Variants in KCNJ16 observed in about 807,000 individuals in gnomAD.
KCNJ16 encodes inward rectifier potassium channel 16.
Under a neutral mutation model 18.5 loss-of-function variants are expected in KCNJ16, and 15 were observed. The observed-to-expected ratio is 0.81, with a 90% CI of 0.54 to 1.25. The LOEUF (loss-of-function observed/expected upper bound fraction) is 1.25. Ranked by LOEUF, KCNJ16 falls within the 50% of genes most tolerant of loss-of-function variation. The pLI, the probability that KCNJ16 is intolerant of heterozygous loss-of-function variation, is 0.00. For missense variants in KCNJ16, 523 were observed against 525.7 expected (o/e 0.99, Z 0.05); for synonymous variants, 174 against 186.5 (o/e 0.93, Z 0.55).
At chr17:70,103,141 GTATATAATA>G (rs916064050) in intron 2 of KCNJ16, among the ~76,000 whole-genome samples, 5 of 139,504 alleles carry the variant, frequency 3.6e-5, no homozygotes, top group African/African-American at 1.3e-4. Context: ...ATTTATATGT[GTATATAATA>G]TATATAATTT....
chr17:70,105,147 C>T (rs1345812382), intron 2 of KCNJ16: 1 of 152,170 alleles, frequency 6.6e-6, no homozygotes, highest in South Asian at 2.1e-4. Flanking sequence ...TAAGCTCATC[C>T]TTTTTGCATG....
chr17:70,076,883 C>T (rs1349877022), intron 1 of KCNJ16, among the ~76,000 whole-genome samples: 1 of 152,162 alleles, frequency 6.6e-6, no homozygotes, highest in Non-Finnish European at 1.5e-5. Context: ...GTAAAACCTA[C>T]CACTTGTCCT....
At chr17:70,084,039 G>A (rs1421208396) in intron 1 of KCNJ16, among the ~76,000 whole-genome samples, 2 of 152,184 alleles carry the variant, frequency 1.3e-5, no homozygotes, top group African/African-American at 4.8e-5. Flanking sequence ...GAGGAGACCA[G>A]CAGGATGTGT....
At chr17:70,108,884 TTG>T (rs1555591724) in intron 2 of KCNJ16, among the ~76,000 whole-genome samples, 1 of 152,158 alleles carries the variant, frequency 6.6e-6, no homozygotes, top group Non-Finnish European at 1.5e-5. Flanking sequence ...ATTTCCCTGC[TTG>T]TGAGTTTCTC....
chr17:70,121,949 ACT>A (rs1366142706), intron 2 of KCNJ16, among the ~76,000 whole-genome samples: 1 of 152,104 alleles, frequency 6.6e-6, no homozygotes, highest in Non-Finnish European at 1.5e-5. Context: ...ACAGAGCAAG[ACT>A]CTGTCTCAAA....
At chr17:70,125,209 G>C (rs556552291) in intron 2 of KCNJ16, among the ~76,000 whole-genome samples, 11 of 152,002 alleles carry the variant, frequency 7.2e-5, no homozygotes, top group African/African-American at 2.7e-4. Flanking sequence ...GATCAAGGCT[G>C]CAGTGAGCTC....
intron 2 of KCNJ16, among the ~76,000 whole-genome samples, chr17:70,120,793 A>G (rs545543933): frequency 2.3e-4 from 35 of 152,328 alleles, no homozygotes; most frequent in African/African-American, 8.4e-4. Flanking sequence ...CTTCAGCATT[A>G]GGGATTACAA....
At chr17:70,091,014 C>G (rs1029561709) in intron 1 of KCNJ16, among the ~76,000 whole-genome samples, 2 of 152,188 alleles carry the variant, frequency 1.3e-5, no homozygotes, top group African/African-American at 4.8e-5. Flanking sequence ...ATGACTCCAG[C>G]CTTCCCACTT....
In KCNJ16 at chr17:70,132,579, C is replaced by T. The variant is rs766053660; in HGVS notation, c.492C>T (p.Ile164=). 7.4e-6 allele frequency: 12 copies of T among 1,614,048 alleles called. No individual in the cohort carries two copies. Among genetic ancestry groups the T allele is most frequent in the Non-Finnish European group, 9.3e-6 (11 of 1,180,028 alleles). The change falls in exon 4 of 4, where the codon ATC becomes ATT. Residue 164 remains isoleucine, a synonymous_variant. Transcript: ENST00000392671. ...TAAGTTGCATCATAAATACCTTTAT[C>T]ATTGGAGCTGCCTTGGCCAAAATGG... The part of the protein sequence containing the change: ...SILSCIINTF[I]IGAALAKMAT...
At chr17:70,097,155 C>T (rs939059875) in intron 1 of KCNJ16, among the ~76,000 whole-genome samples, 2 of 152,136 alleles carry the variant, frequency 1.3e-5, no homozygotes, top group Non-Finnish European at 2.9e-5. Flanking sequence ...CGTTCAACCC[C>T]AAACGAGACA....
intron 2 of KCNJ16, among the ~76,000 whole-genome samples, chr17:70,112,705 TCTCTA>T (rs1398968127): frequency 4.6e-5 from 7 of 152,160 alleles, no homozygotes; most frequent in African/African-American, 1.7e-4. Flanking sequence ...CCTGTCCCCT[TCTCTA>T]ATCAACCTCA....
At chr17:70,084,494 G>C (rs1402962087) in intron 1 of KCNJ16, among the ~76,000 whole-genome samples, 1 of 152,162 alleles carries the variant, frequency 6.6e-6, no homozygotes, top group South Asian at 2.1e-4. Flanking sequence ...ATTTTTCAGA[G>C]TCTCATGTTG....
At chr17:70,098,848 A>G (rs2072500690) in intron 1 of KCNJ16, among the ~76,000 whole-genome samples, 1 of 152,198 alleles carries the variant, frequency 6.6e-6, no homozygotes, top group South Asian at 2.1e-4. Context: ...GCACCTCAAT[A>G]ATTATGAATT....
chr17:70,102,621 TAAAAC>T (rs1396325321), intron 2 of KCNJ16, among the ~76,000 whole-genome samples: 1 of 152,108 alleles, frequency 6.6e-6, no homozygotes, highest in Non-Finnish European at 1.5e-5. Context: ...TGTGAAAAAT[TAAAAC>T]AAAACAAATA....
At chr17:70,097,603 A>G (rs151282005) in intron 1 of KCNJ16, among the ~76,000 whole-genome samples, 156 of 152,156 alleles carry the variant, frequency 1.0e-3, no homozygotes, top group African/African-American at 3.7e-3. Flanking sequence ...ATAGTTTTCA[A>G]TTTTTCTACA....
intron 2 of KCNJ16, among the ~76,000 whole-genome samples, chr17:70,106,011 C>A (rs895683338): frequency 1.3e-5 from 2 of 152,078 alleles, no homozygotes; most frequent in Admixed American, 1.3e-4. Context: ...AGATGGAGTG[C>A]GGGTATTTTT....
chr17:70,076,751 G>T (rs2071330090), intron 1 of KCNJ16, among the ~76,000 whole-genome samples: 1 of 152,050 alleles, frequency 6.6e-6, no homozygotes, highest in African/African-American at 2.4e-5. Flanking sequence ...GCTAAGACCT[G>T]GATATAAATT....
At position 70,107,326 on chromosome 17, in the gene KCNJ16, A is replaced by G. The variant is rs562014760; in HGVS notation, c.-191+6560A>G. On this transcript the variant is annotated intron_variant, in intron 2 of 3. Coordinates refer to ENST00000392671, the MANE Select transcript of KCNJ16 (RefSeq NM_170741.4). ...GAATCACAAGTCATGATAAGAACCT[A>G]ATAAGCCATATCATCAAAACCTGAG... Among the ~76,000 whole-genome samples the G allele has an allele frequency of 2.0e-5, 3 of 152,294 alleles. No individual in the cohort carries two copies. The East Asian group carries it at 5.8e-4, about 29-fold the overall frequency.
chr17:70,090,857 A>G (rs1202262416), intron 1 of KCNJ16, among the ~76,000 whole-genome samples: 3 of 152,244 alleles, frequency 2.0e-5, no homozygotes, highest in Non-Finnish European at 4.4e-5. Flanking sequence ...GTTGCCAGCA[A>G]TGTAACAAAA....
Sources: gnomAD v4.1 joint callset for allele counts (sites outside exome capture counted in the v4.1 genomes callset) on GRCh38, gnomAD v4.1.1 for gene constraint, MANE v1.5 for transcripts, NCBI Gene and HGNC (gene_info 2026-07-23, HGNC 2026-07-21) for gene names.